Variants in RNF175 observed in about 807,000 individuals in gnomAD.
RNF175 encodes the protein ring finger protein 175.
A neutral mutation model predicts 50.0 loss-of-function variants in RNF175; 38 were observed. That is an observed-to-expected ratio of 0.76 (90% CI 0.59 to 1.00). The LOEUF (loss-of-function observed/expected upper bound fraction) is 1.00, where lower values mean the gene tolerates loss of function less well. RNF175 is among the 50% of genes least tolerant of loss of function. The pLI is 0.00. For synonymous variants in RNF175, 155 were observed against 146.1 expected (o/e 1.06, Z -0.44); for missense variants, 388 against 409.6 (o/e 0.95, Z 0.46).
At position 153,728,376 on chromosome 4, in the gene RNF175, AACAGGAAGTATCTTTCAATG is replaced by A; in HGVS notation, c.247-35_247-16del. On this transcript the variant is annotated splice_polypyrimidine_tract_variant and intron_variant, in intron 3 of 8. Coordinates refer to ENST00000347063, the MANE Select transcript of RNF175 (RefSeq NM_173662.4). Reference sequence around the variant, plus strand: ...AAGGTCACCAGCTGTCAGAGAAATGAACAGGAAGTATCTTTCAATGACCAAGTGCCTGAATGGCATCTCCA... The same window carrying A: ...AAGGTCACCAGCTGTCAGAGAAATGAACCAAGTGCCTGAATGGCATCTCCA... 6.2e-7 allele frequency: 1 copy of A among 1,612,068 alleles called. No homozygotes were observed. The highest frequency in any genetic ancestry group is 1.1e-5 in the South Asian group (1 of 90,974).
chr4:153,739,227 C>T (rs565955761), intron 3 of RNF175, among the ~76,000 whole-genome samples: 1,666 of 152,216 alleles, frequency 0.011, 39 homozygotes, highest in African/African-American at 0.038. Context: ...TTGAGACCAG[C>T]CTGACCAACA....
chr4:153,739,314 G>A (rs1387485923), intron 3 of RNF175, among the ~76,000 whole-genome samples: 2 of 151,964 alleles, frequency 1.3e-5, no homozygotes, highest in African/African-American at 2.4e-5. Flanking sequence ...CCAGCTACTC[G>A]GGAGGCTGAG....
intron 6 of RNF175, among the ~76,000 whole-genome samples, chr4:153,718,413 A>T (rs1738122377): frequency 6.6e-6 from 1 of 151,342 alleles, no homozygotes; most frequent in Non-Finnish European, 1.5e-5. Flanking sequence ...TTATTAATCC[A>T]AATCACTGGT....
intron 3 of RNF175, among the ~76,000 whole-genome samples, chr4:153,743,209 A>G (rs1480674338): frequency 4.6e-5 from 7 of 152,178 alleles, no homozygotes; most frequent in Non-Finnish European, 1.0e-4. Flanking sequence ...TTCAAGCTCA[A>G]ATGGTTGCAG....
intron 3 of RNF175, among the ~76,000 whole-genome samples, chr4:153,732,594 A>G (rs1739104943): frequency 6.6e-6 from 1 of 152,230 alleles, no homozygotes. Context: ...GTATTGAGGC[A>G]AGTTAATAGT....
At chr4:153,738,947 C>T (rs145850218) in intron 3 of RNF175, among the ~76,000 whole-genome samples, 55 of 152,250 alleles carry the variant, frequency 3.6e-4, no homozygotes, top group Non-Finnish European at 6.5e-4. Context: ...AATCCAAGTC[C>T]GTTCTCAAAT....
intron 1 of RNF175, among the ~76,000 whole-genome samples, chr4:153,754,608 T>C (rs1021740535): frequency 6.6e-6 from 1 of 152,200 alleles, no homozygotes; most frequent in East Asian, 1.9e-4. Flanking sequence ...TATCTGGCAA[T>C]AGGGTATTTG....
chr4:153,723,643 A>C (rs1381525852), intron 4 of RNF175, among the ~76,000 whole-genome samples, 185 bp from the exon 5 acceptor site: 1 of 152,244 alleles, frequency 6.6e-6, no homozygotes, highest in Non-Finnish European at 1.5e-5. Flanking sequence ...TATGAATAGA[A>C]CTATCATGCT....
At chr4:153,729,414 C>T (rs951114561) in intron 3 of RNF175, among the ~76,000 whole-genome samples, 16 of 152,160 alleles carry the variant, frequency 1.1e-4, no homozygotes, top group African/African-American at 2.9e-4. Flanking sequence ...GCTTGCTTAT[C>T]GCATATTCAT....
intron 3 of RNF175, chr4:153,729,935 A>G (rs780867432): frequency 1.3e-5 from 3 of 236,614 alleles, no homozygotes; most frequent in Non-Finnish European, 2.1e-5. Context: ...ACTGCTTTAA[A>G]TTTCCATCCT....
intron 3 of RNF175, among the ~76,000 whole-genome samples, chr4:153,732,322 T>A (rs535120962): frequency 3.3e-5 from 5 of 152,228 alleles, no homozygotes; most frequent in Admixed American, 1.3e-4. Context: ...TCCTTAGAAA[T>A]TCAGTTGGTT....
At chr4:153,712,437 A>G (rs760640010) in intron 8 of RNF175, 38 bp downstream of exon 8, 10 of 1,193,256 alleles carry the variant, frequency 8.4e-6, no homozygotes, top group Admixed American at 1.9e-5. Context: ...AGAAACATTC[A>G]AGATAATCTC....
intron 6 of RNF175, among the ~76,000 whole-genome samples, chr4:153,719,468 G>A (rs562013553): frequency 6.6e-6 from 1 of 152,136 alleles, no homozygotes; most frequent in African/African-American, 2.4e-5. Flanking sequence ...AAACTACTAA[G>A]TCATCCCTAG....
Position 153,748,636 on chromosome 4 carries a change from A to T in RNF175, c.246+9T>A, listed in dbSNP as rs1389450018. The T allele has an allele frequency of 6.4e-7, 1 of 1,573,656 alleles. No homozygotes were observed. Among genetic ancestry groups the T allele is most frequent in the Non-Finnish European group, 8.6e-7 (1 of 1,158,028 alleles). On this transcript the variant is annotated intron_variant, in intron 3 of 8. Coordinates refer to ENST00000347063, the MANE Select transcript of RNF175 (RefSeq NM_173662.4). ...GAGCAGGCTCCCAGCAGCCACGGGG[A>T]TGACTCACATTGTAGGATCGGCCAT...
At chr4:153,739,621 G>A (rs779461269) in intron 3 of RNF175, among the ~76,000 whole-genome samples, 15 of 152,092 alleles carry the variant, frequency 9.9e-5, no homozygotes, top group Admixed American at 2.0e-4. Flanking sequence ...GCCTGATAAA[G>A]TCTTTATTTC....
Position 153,731,672 on chromosome 4 carries a change from AGAGG to A in RNF175, c.247-3315_247-3312del, listed in dbSNP as rs754656220. 5.5e-5 allele frequency among the ~76,000 whole-genome samples: 8 copies of A among 146,340 alleles called. 1 individual carries two copies. The highest frequency in any genetic ancestry group is 2.2e-4 in the South Asian group (1 of 4,568). Reference sequence around the variant, plus strand: ...AAGAAGGAAAGAGAAAGAAAGAGAGAGAGGGAGGGAGGGAGGAAGGAAGGAAGGA... The same window carrying A: ...AAGAAGGAAAGAGAAAGAAAGAGAGAGAGGGAGGGAGGAAGGAAGGAAGGA... On this transcript the variant is annotated intron_variant, in intron 3 of 8. Transcript: ENST00000347063.
At chr4:153,711,652 A>G (rs1275324105) in intron 8 of RNF175, among the ~76,000 whole-genome samples, 1 of 152,224 alleles carries the variant, frequency 6.6e-6, no homozygotes, top group Non-Finnish European at 1.5e-5. Context: ...TGGCAGGTTG[A>G]TGCCAACCTT....
At chr4:153,711,182 G>A (rs890387553) in intron 8 of RNF175, among the ~76,000 whole-genome samples, 2 of 152,148 alleles carry the variant, frequency 1.3e-5, no homozygotes, top group East Asian at 3.8e-4. Flanking sequence ...AAAGATTTAT[G>A]CATTGAGGTT....
intron 4 of RNF175, among the ~76,000 whole-genome samples, chr4:153,725,680 T>A (rs373335204): frequency 9.8e-5 from 15 of 152,336 alleles, no homozygotes; most frequent in African/African-American, 3.4e-4. Context: ...GGGACTTTGG[T>A]CAATTTACTT....
Sources: allele counts gnomAD v4.1 joint callset (sites outside exome capture counted in the v4.1 genomes callset), GRCh38; gene constraint gnomAD v4.1.1; transcripts MANE v1.5; gene names NCBI Gene and HGNC (gene_info 2026-07-23, HGNC 2026-07-21).